The following ZNF154 variants were observed in gnomAD, a reference collection of about 807,000 sequenced individuals.
The protein encoded by ZNF154 is zinc finger protein 154 (pHZ-92).
ZNF154 carries 6 observed loss-of-function variants against 7.5 expected under a neutral mutation model. The observed-to-expected ratio is 0.80, with a 90% CI of 0.44 to 1.57. ZNF154 has a LOEUF of 1.57. ZNF154 is among the 40% of genes most tolerant of loss of function. The pLI is 0.01. For synonymous variants in ZNF154, 187 were observed against 185.9 expected (o/e 1.01, Z -0.05); for missense variants, 485 against 531.4 (o/e 0.91, Z 0.86).
rs1490554355 is a variant in ZNF154, at chr19:57,698,478, C to G, written c.*3157G>C. 1.3e-5 allele frequency: 2 copies of G among 152,134 alleles called. No homozygotes were observed. Among genetic ancestry groups the G allele is most frequent in the African/African-American group, 4.8e-5 (2 of 41,406 alleles). 9.4% of individuals were successfully genotyped at this position (152,134 alleles called of 1,614,324 possible). ...ATGCTATCAGCAACTCTTCCCAATT[C>G]TACATTCAGTAACATGTTGGCAGTT... is the stretch of plus-strand genomic sequence containing the variant. On this transcript the variant is annotated 3_prime_UTR_variant, in exon 3 of 3. Coordinates refer to ENST00000684351, the MANE Select transcript of ZNF154 (RefSeq NM_001085384.3).
At chr19:57,704,569 C>T (rs1020582186) in intron 2 of ZNF154, among the ~76,000 whole-genome samples, 2 of 152,056 alleles carry the variant, frequency 1.3e-5, no homozygotes, top group Non-Finnish European at 1.5e-5. Flanking sequence ...AAAAAGTCAC[C>T]CAGACATGGA....
rs557928220 is a variant in ZNF154 at position 57,709,204 on chromosome 19, C to T, written c.-233G>A. 4.9e-5 allele frequency: 27 copies of T among 546,070 alleles called. No homozygotes were observed. Among genetic ancestry groups the T allele is most frequent in the Non-Finnish European group, 7.7e-5 (24 of 310,638 alleles). The allele number at this position is 546,070 out of a possible 1,614,324, so 33.8% of individuals were successfully genotyped here. ...CTCAGAGAAGCTAAAATGGCCGCCACGAAGAGGCCCCCCCAAAAGTCCCGT... is the reference window on the plus strand; with the variant it reads ...CTCAGAGAAGCTAAAATGGCCGCCATGAAGAGGCCCCCCCAAAAGTCCCGT... On this transcript the variant is annotated 5_prime_UTR_variant, in exon 1 of 3. In the 5' UTR this introduces an upstream ATG that the reference lacks. Coordinates refer to ENST00000684351, the MANE Select transcript of ZNF154 (RefSeq NM_001085384.3).
intron 1 of ZNF154, among the ~76,000 whole-genome samples, 182 bp from the exon 2 acceptor site, chr19:57,705,161 C>A (rs892281670): frequency 3.9e-5 from 6 of 152,164 alleles, no homozygotes; most frequent in Non-Finnish European, 2.9e-5. Flanking sequence ...TCCATACTAT[C>A]CCATCATGAA....
rs746618327 is a variant in ZNF154 at position 57,702,412 on chromosome 19, A to G, written c.537T>C (p.His179=). The part of the protein sequence containing the change: ...SFSKSYSLND[H]WRLHTGEKPY... ...GCTTTTCTCCAGTGTGAAGTCTCCA[A>G]TGGTCATTGAGACTGTAGCTTTTGC... Residue 179 remains histidine, a synonymous_variant, in exon 3 of 3, where the codon CAT becomes CAC. Transcript: ENST00000684351. The G allele has an allele frequency of 7.4e-6, 12 of 1,613,908 alleles. No homozygotes were observed. The highest frequency in any genetic ancestry group is 4.4e-5 in the South Asian group (4 of 91,068).
intron 1 of ZNF154, among the ~76,000 whole-genome samples, chr19:57,706,392 T>C (rs2122412141): frequency 6.6e-6 from 1 of 152,220 alleles, no homozygotes; most frequent in East Asian, 1.9e-4. Flanking sequence ...CCTTCCTCTG[T>C]CCACTTAACA....
intron 1 of ZNF154, among the ~76,000 whole-genome samples, chr19:57,707,765 A>G (rs1429983606): frequency 6.6e-6 from 1 of 152,198 alleles, no homozygotes; most frequent in East Asian, 1.9e-4. Flanking sequence ...TAGTTTTACT[A>G]AGCACTTGCG....
chr19:57,699,492 G>C lies in ZNF154; in HGVS notation c.*2143C>G, dbSNP rs1985034393. On this transcript the variant is annotated 3_prime_UTR_variant, in exon 3 of 3. Coordinates refer to ENST00000684351, the MANE Select transcript of ZNF154 (RefSeq NM_001085384.3). ...GCTAACGAATGTACAGTGCAGTGGT[G>C]GTTCAAGAAGTTTTGCAAAGGAGAC... The C allele has an allele frequency of 2.8e-6, 1 of 353,548 alleles. No individual in the cohort carries two copies. The highest frequency in any genetic ancestry group is 5.8e-6 in the Non-Finnish European group (1 of 171,872). 21.9% of individuals were successfully genotyped at this position (353,548 alleles called of 1,614,324 possible).
At chr19:57,706,152 C>T (rs1985379851) in intron 1 of ZNF154, among the ~76,000 whole-genome samples, 1 of 152,166 alleles carries the variant, frequency 6.6e-6, no homozygotes, top group African/African-American at 2.4e-5. Context: ...TACACCATAA[C>T]TTAGCACACA....
In ZNF154 at chr19:57,705,355, C is replaced by T. The variant is rs116572102; in HGVS notation, c.34-376G>A. Among the ~76,000 whole-genome samples, 1,463 of 152,298 alleles carry T rather than the reference C, an allele frequency of 9.6e-3. 21 individuals are homozygous for T. Among genetic ancestry groups the T allele is most frequent in the African/African-American group, 0.032 (1,350 of 41,548 alleles). ...ACCATAGGCATCTCCCTGCTCTTAC[C>T]TCCCATGTCACTGTTTTAATCTCTT... is the stretch of plus-strand genomic sequence containing the variant. On this transcript the variant is annotated intron_variant, in intron 1 of 2. Transcript: ENST00000684351.
rs754018919 is a variant in ZNF154 at position 57,702,241 on chromosome 19, C to G, written c.708G>C (p.Arg236=). 1 of 1,614,154 alleles carries G rather than the reference C, an allele frequency of 6.2e-7. No homozygotes were observed. Among genetic ancestry groups the G allele is most frequent in the Non-Finnish European group, 8.5e-7 (1 of 1,180,026 alleles). ...ATGGCCTTTCCCCAGTGTGAACTCT[C>G]CGATGTTTAATGAGGTTAGACTTGT... The part of the protein sequence containing the change: ...FSNKSNLIKH[R]RVHTGERPYE... The change falls in exon 3 of 3, where the codon CGG becomes CGC. Residue 236 remains arginine, a synonymous_variant. Coordinates refer to ENST00000684351, the MANE Select transcript of ZNF154 (RefSeq NM_001085384.3).
chr19:57,701,885 C>T lies in ZNF154; in HGVS notation c.1064G>A (p.Arg355Lys), dbSNP rs746120122. 1.2e-6 allele frequency: 2 copies of T among 1,613,808 alleles called. No individual in the cohort carries two copies. The highest frequency in any genetic ancestry group is 1.3e-5 in the African/African-American group (1 of 74,904). The change falls in exon 3 of 3, where the codon AGG becomes AAG. Residue 355 changes from arginine to lysine, a missense_variant. Transcript: ENST00000684351. ...LQHRGVHTGE[R>K]PYECSECGKF... ...CCCACATTCACTGCACTCATAAGGC[C>T]TCTCCCCAGTGTGAACTCCCCGATG...
Position 57,702,565 on chromosome 19 carries a change from TC to T in ZNF154, c.383del (p.Arg128LysfsTer162). On this transcript the variant is annotated frameshift_variant, in exon 3 of 3. Coordinates refer to ENST00000684351, the MANE Select transcript of ZNF154 (RefSeq NM_001085384.3). LOFTEE classifies it low-confidence loss of function (END_TRUNC). ...CTCCACAGTTGTAATGAGTTTTTCC[TC>T]TGTGACTGATGGCCCCACCGTCGCT... ...SKSDGGAISHRGKTHYNCGEH... is the reference protein window; with the variant it reads ...SKSDGGAISHXGKTHYNCGEH... 1 of 1,614,112 alleles carries T rather than the reference TC, an allele frequency of 6.2e-7. No homozygotes were observed. Among genetic ancestry groups the T allele is most frequent in the Non-Finnish European group, 8.5e-7 (1 of 1,179,986 alleles).
intron 2 of ZNF154, 135 bp downstream of exon 2, chr19:57,704,718 A>C: frequency 7.9e-7 from 1 of 1,259,322 alleles, no homozygotes; most frequent in Middle Eastern, 2.8e-4. Context: ...AGTCTTACCA[A>C]TGACAGAACT....
chr19:57,704,552 A>C (rs1985308976), intron 2 of ZNF154, among the ~76,000 whole-genome samples: 1 of 152,152 alleles, frequency 6.6e-6, no homozygotes, highest in Non-Finnish European at 1.5e-5. Context: ...AGGATCCTCA[A>C]ATCTGGAAAA....
Position 57,701,330 on chromosome 19 carries a change from C to A in ZNF154, c.*305G>T. On this transcript the variant is annotated 3_prime_UTR_variant, in exon 3 of 3. Transcript: ENST00000684351. ...GCTTCCACTATAGTATCAGCAGAGA[C>A]ATAAATCTGACATGGGCCCTGGGCA... 1 of 347,106 alleles carries A rather than the reference C, an allele frequency of 2.9e-6. No individual in the cohort carries two copies. The highest frequency in any genetic ancestry group is 5.3e-6 in the Non-Finnish European group (1 of 188,622). 21.5% of individuals were successfully genotyped at this position (347,106 alleles called of 1,614,324 possible).
rs941777405 is a variant in ZNF154, at chr19:57,697,126, T to C, written c.*4509A>G. ...GCCATATGAAGGAGTGAGGCTTTTT[T>C]CTTACCTTGCAATTTCTTAGTGGAT... On this transcript the variant is annotated 3_prime_UTR_variant, in exon 3 of 3. Transcript: ENST00000684351. Among the ~76,000 whole-genome samples, 1 of 152,232 alleles carries C rather than the reference T, an allele frequency of 6.6e-6. No homozygotes were observed. Among genetic ancestry groups the C allele is most frequent in the African/African-American group, 2.4e-5 (1 of 41,458 alleles).
At position 57,701,919 on chromosome 19, in the gene ZNF154, G is replaced by A; in HGVS notation, c.1030C>T (p.Leu344Phe). 1 of 1,613,836 alleles carries A rather than the reference G, an allele frequency of 6.2e-7. No homozygotes were observed. The highest frequency in any genetic ancestry group is 8.5e-7 in the Non-Finnish European group (1 of 1,179,976). The change falls in exon 3 of 3, where the codon CTC becomes TTC. Residue 344 changes from leucine to phenylalanine, a missense_variant. Leu to Phe is a conservative substitution (Grantham distance 22, BLOSUM62 0). Coordinates refer to ENST00000684351, the MANE Select transcript of ZNF154 (RefSeq NM_001085384.3). ...CGKSFSQRSALLQHRGVHTGE... is the reference protein window; with the variant it reads ...CGKSFSQRSAFLQHRGVHTGE... ...GTGTGAACTCCCCGATGTTGAAGGAGTGCAGACCTTTGGCTAAAGGATTTC... is the reference window on the plus strand; with the variant it reads ...GTGTGAACTCCCCGATGTTGAAGGAATGCAGACCTTTGGCTAAAGGATTTC...
Position 57,698,937 on chromosome 19 carries a change from G to A in ZNF154, c.*2698C>T, listed in dbSNP as rs193032203. The A allele has an allele frequency of 2.6e-5, 4 of 152,258 alleles. No individual in the cohort carries two copies. The highest frequency in any genetic ancestry group is 2.6e-4 in the Admixed American group (4 of 15,296). 9.4% of individuals were successfully genotyped at this position (152,258 alleles called of 1,614,324 possible). On this transcript the variant is annotated 3_prime_UTR_variant, in exon 3 of 3. Transcript: ENST00000684351. The stretch of plus-strand genomic sequence containing the variant: ...AGGCTCCCCAGTAGCTGGGATTACA[G>A]GTGCATGCCACTATGCCCAGCTAAT...
In ZNF154 at chr19:57,709,093, G is replaced by T. The variant is rs1220558290; in HGVS notation, c.-122C>A. The T allele has an allele frequency of 2.2e-6, 3 of 1,380,648 alleles. No individual in the cohort carries two copies. Among genetic ancestry groups the T allele is most frequent in the Non-Finnish European group, 3.0e-6 (3 of 999,808 alleles). The allele number at this position is 1,380,648 out of a possible 1,614,324, so 85.5% of individuals were successfully genotyped here. A position where few individuals can be genotyped will look rare whatever the true frequency, so the allele number is the denominator to read the frequency against. ...AGGGCGGCGTCGCCAAGGCTTAGACGCTTTCGTGCAGGAGGGACGACGACT... is the reference window on the plus strand; with the variant it reads ...AGGGCGGCGTCGCCAAGGCTTAGACTCTTTCGTGCAGGAGGGACGACGACT... On this transcript the variant is annotated 5_prime_UTR_variant, in exon 1 of 3. Coordinates refer to ENST00000684351, the MANE Select transcript of ZNF154 (RefSeq NM_001085384.3).
Sources: allele counts gnomAD v4.1 joint callset (sites outside exome capture counted in the v4.1 genomes callset), GRCh38; gene constraint gnomAD v4.1.1; transcripts MANE v1.5; gene names NCBI Gene and HGNC (gene_info 2026-07-23, HGNC 2026-07-21).